Variants in SLC22A8 observed in about 807,000 individuals in gnomAD.
The protein encoded by SLC22A8 is solute carrier family 22 member 8.
Under a neutral mutation model 48.4 loss-of-function variants are expected in SLC22A8, and 40 were observed. The observed-to-expected ratio is 0.83, with a 90% CI of 0.64 to 1.08. The LOEUF (loss-of-function observed/expected upper bound fraction) is 1.08. Ranked by LOEUF, SLC22A8 falls within the 50% of genes least tolerant of loss-of-function variation. SLC22A8 has a pLI of 0.00. For missense variants in SLC22A8, 606 were observed against 699.0 expected (o/e 0.87, Z 1.50); for synonymous variants, 268 against 286.3 (o/e 0.94, Z 0.65).
At chr11:62,996,000 G>T (rs762580327) in intron 6 of SLC22A8, 29 bp downstream of exon 6, 1 of 1,613,890 alleles carries the variant, frequency 6.2e-7, no homozygotes, top group African/African-American at 1.3e-5. Context: ...CAGGGGTTCT[G>T]CTCCCAGACT....
In SLC22A8 at chr11:63,014,559, G is replaced by T. The variant is rs1047985398; in HGVS notation, c.333+67C>A. 3.7e-6 allele frequency: 5 copies of T among 1,349,554 alleles called. No homozygotes were observed. The African/African-American group carries it at 4.4e-5, about 12-fold the overall frequency. 83.6% of individuals were successfully genotyped at this position (1,349,554 alleles called of 1,614,324 possible). ...ACACCAGACCCCAGCCTCCTCTGCT[G>T]CCCACCAGCGGTGCAGGGTATGGGG... is the stretch of plus-strand genomic sequence containing the variant. On this transcript the variant is annotated intron_variant, in intron 2 of 10. Transcript: ENST00000336232.
At chr11:63,003,363 C>T (rs565604548) in intron 2 of SLC22A8, among the ~76,000 whole-genome samples, 66 of 152,248 alleles carry the variant, frequency 4.3e-4, no homozygotes, top group Non-Finnish European at 5.6e-4. Flanking sequence ...ATGGAATCTC[C>T]GGGTCCTACA....
intron 2 of SLC22A8, among the ~76,000 whole-genome samples, chr11:63,010,019 CT>C (rs1162608160): frequency 6.6e-6 from 1 of 152,162 alleles, no homozygotes; most frequent in African/African-American, 2.4e-5. Flanking sequence ...GGGGATCCCC[CT>C]CTCTTGTGAT....
chr11:63,005,822 A>C (rs10792368), intron 2 of SLC22A8, among the ~76,000 whole-genome samples: 75,314 of 151,898 alleles, frequency 0.5, 19,760 homozygotes, highest in African/African-American at 0.66. Flanking sequence ...GGATTTCTAG[A>C]CTCCAGATCT....
intron 2 of SLC22A8, among the ~76,000 whole-genome samples, chr11:63,004,364 G>T (rs2086531580): frequency 6.6e-6 from 1 of 152,104 alleles, no homozygotes; most frequent in Non-Finnish European, 1.5e-5. Flanking sequence ...TCACCTCTCT[G>T]CTCTTACCTG....
At chr11:62,994,409 C>A in intron 8 of SLC22A8, 133 bp downstream of exon 8, 1 of 660,568 alleles carries the variant, frequency 1.5e-6, no homozygotes, top group South Asian at 1.9e-5. Flanking sequence ...AGAAGAGAGA[C>A]CCTGAGCCCC....
At chr11:63,002,816 T>C (rs2086512712) in intron 2 of SLC22A8, among the ~76,000 whole-genome samples, 1 of 152,228 alleles carries the variant, frequency 6.6e-6, no homozygotes. Flanking sequence ...GTGTTCTAGG[T>C]ACTGGGCACT....
chr11:62,998,723 C>T (rs2086453340), intron 5 of SLC22A8, among the ~76,000 whole-genome samples, 198 bp downstream of exon 5: 1 of 152,190 alleles, frequency 6.6e-6, no homozygotes, highest in African/African-American at 2.4e-5. Flanking sequence ...GCAGGCCCTC[C>T]TTCCCCACGT....
chr11:62,999,026 G>GT lies in SLC22A8; in HGVS notation c.655dup (p.Thr219AsnfsTer98). The GT allele has an allele frequency of 6.2e-7, 1 of 1,614,228 alleles. No individual in the cohort carries two copies. The highest frequency in any genetic ancestry group is 8.5e-7 in the Non-Finnish European group (1 of 1,180,024). On this transcript the variant is annotated frameshift_variant, in exon 5 of 11. Coordinates refer to ENST00000336232, the MANE Select transcript of SLC22A8 (RefSeq NM_004254.4). LOFTEE classifies it high-confidence loss of function. ...GCCGGGCAGAATGAACTGGCCAAAG[G>GT]TGTAGCAGTACCCGAGTGCTGTCGA...
Position 62,994,663 on chromosome 11 carries a change from G to A in SLC22A8, c.1095C>T (p.Val365=), listed in dbSNP as rs375802571. The A allele has an allele frequency of 1.1e-5, 18 of 1,614,024 alleles. No homozygotes were observed. In the South Asian group the frequency reaches 1.3e-4, roughly 12 times the overall value. The stretch of plus-strand genomic sequence containing the variant: ...TGGTGATGAACTTGGCTGGGACATC[G>A]ACCCCACCAAAGATGATCTGGAGGA... ...LYILQIIFGG[V]DVPAKFITIL... The change falls in exon 8 of 11, where the codon GTC becomes GTT. Residue 365 remains valine, a synonymous_variant. Transcript: ENST00000336232.
intron 4 of SLC22A8, chr11:62,999,478 G>C (rs1205997528): frequency 6.3e-6 from 3 of 478,102 alleles, no homozygotes; most frequent in East Asian, 6.4e-5. Context: ...AGAGTGTCAG[G>C]TCCAGGGTAA....
intron 2 of SLC22A8, among the ~76,000 whole-genome samples, chr11:63,007,924 A>G (rs1349159983): frequency 6.6e-6 from 1 of 152,242 alleles, no homozygotes; most frequent in Admixed American, 6.5e-5. Flanking sequence ...ATTTCAAGAA[A>G]GAGACTCAAA....
At chr11:63,011,923 A>G (rs996012183) in intron 2 of SLC22A8, among the ~76,000 whole-genome samples, 1 of 151,398 alleles carries the variant, frequency 6.6e-6, no homozygotes, top group African/African-American at 2.4e-5. Flanking sequence ...GGGGACCTCC[A>G]TATCCTACTG....
Position 62,995,795 on chromosome 11 carries a change from C to G in SLC22A8, c.910G>C (p.Glu304Gln), listed in dbSNP as rs1310792179. 6.2e-7 allele frequency: 1 copy of G among 1,614,026 alleles called. No homozygotes were observed. Among genetic ancestry groups the G allele is most frequent in the Admixed American group, 1.7e-5 (1 of 60,026 alleles). ...TACTTGGCCTTGGCCAAGGAGATCT[C>G]CTTCTGCAGGTTGAGTTTGAGCTCC... is the stretch of plus-strand genomic sequence containing the variant. ...LEELKLNLQK[E>Q]ISLAKAKYTA... Residue 304 changes from glutamate (E) to glutamine (Q), a missense_variant, in exon 7 of 11, where the codon GAG (glutamate) becomes CAG (glutamine). Glu to Gln is a conservative substitution (Grantham distance 29). Transcript: ENST00000336232.
rs763932386 is a variant in SLC22A8, at chr11:63,000,836, AAGGT to A, written c.334-17_334-14del. 1.2e-6 allele frequency: 2 copies of A among 1,601,402 alleles called. No homozygotes were observed. The stretch of plus-strand genomic sequence containing the variant: ...ACACCAAGTCCCACTGCACAAGAGA[AAGGT>A]AGGGCTAGCCTAACTCAGTGTAGAC... On this transcript the variant is annotated splice_polypyrimidine_tract_variant and intron_variant, in intron 2 of 10. Transcript: ENST00000336232.
In SLC22A8 at chr11:62,993,113, C is replaced by A. The variant is rs1049244749; in HGVS notation, c.*124G>T. 4.3e-6 allele frequency: 3 copies of A among 695,028 alleles called. No individual in the cohort carries two copies. In the African/African-American group the frequency reaches 5.4e-5, roughly 13 times the overall value. The allele number at this position is 695,028 out of a possible 1,614,324, so 43.1% of individuals were successfully genotyped here. A position where few individuals can be genotyped will look rare whatever the true frequency, so the allele number is the denominator to read the frequency against. Reference sequence around the variant, plus strand: ...GGCTCTGGTGGTGGTGATGGAGACACCTTCACCAAGCTCTCAGAAGGCTTC... The same window carrying A: ...GGCTCTGGTGGTGGTGATGGAGACAACTTCACCAAGCTCTCAGAAGGCTTC... On this transcript the variant is annotated 3_prime_UTR_variant, in exon 11 of 11. Coordinates refer to ENST00000336232, the MANE Select transcript of SLC22A8 (RefSeq NM_004254.4).
chr11:63,002,083 G>A (rs2086502073), intron 2 of SLC22A8, among the ~76,000 whole-genome samples: 6 of 151,982 alleles, frequency 3.9e-5, no homozygotes, highest in Admixed American at 3.9e-4. Context: ...GCTAATTTTG[G>A]ATTTTGTATA....
intron 2 of SLC22A8, among the ~76,000 whole-genome samples, chr11:63,011,801 C>T (rs1458605884): frequency 2.6e-5 from 4 of 152,176 alleles, no homozygotes; most frequent in Non-Finnish European, 1.5e-5. Context: ...CACTCTCCTG[C>T]TTAACACCAC....
chr11:63,005,267 A>G (rs1488591700), intron 2 of SLC22A8, among the ~76,000 whole-genome samples: 1 of 152,238 alleles, frequency 6.6e-6, no homozygotes, highest in Non-Finnish European at 1.5e-5. Flanking sequence ...TTCCCTGAAG[A>G]CCAACACAAA....
Sources: gnomAD v4.1 joint callset for allele counts (sites outside exome capture counted in the v4.1 genomes callset) on GRCh38, gnomAD v4.1.1 for gene constraint, MANE v1.5 for transcripts, NCBI Gene and HGNC (gene_info 2026-07-23, HGNC 2026-07-21) for gene names.